The following TSPEAR variants were observed in gnomAD, a reference collection of about 807,000 sequenced individuals.
TSPEAR encodes thrombospondin-type laminin G domain and EAR repeat-containing protein.
Under a neutral mutation model 71.6 loss-of-function variants are expected in TSPEAR, and 69 were observed. That is an observed-to-expected ratio of 0.96 (90% CI 0.79 to 1.18). TSPEAR has a LOEUF of 1.18. TSPEAR is among the 50% of genes most tolerant of loss of function. TSPEAR has a pLI of 0.00. For synonymous variants in TSPEAR, 402 were observed against 387.2 expected, an observed-to-expected ratio of 1.04 and a Z score of -0.45; for missense variants, 971 against 894.9, an observed-to-expected ratio of 1.09 and a Z score of -1.09.
intron 1 of TSPEAR, among the ~76,000 whole-genome samples, chr21:44,573,428 C>T (rs1271470952): frequency 2.0e-5 from 3 of 152,178 alleles, no homozygotes; most frequent in Non-Finnish European, 4.4e-5. Flanking sequence ...CCATGCCACC[C>T]TCCACGTGCG....
In TSPEAR at chr21:44,710,633, G is replaced by GTGCTGC. The variant is rs1253366910; in HGVS notation, c.82+794_82+799dup. On this transcript the variant is annotated intron_variant, in intron 1 of 11. Coordinates refer to ENST00000323084, the MANE Select transcript of TSPEAR (RefSeq NM_144991.3). This position sits in a 1 kb window ranked among gnomAD's most constrained non-coding sequence, Gnocchi z 4.6. Reference sequence around the variant, plus strand: ...CATCTCCTCGCCTCCCCTGATAGCCGTGCTGCGGAGCCTGAGTGCTGGAGT... The same window carrying GTGCTGC: ...CATCTCCTCGCCTCCCCTGATAGCCGTGCTGCTGCTGCGGAGCCTGAGTGCTGGAGT... Among the ~76,000 whole-genome samples, 1 of 152,162 alleles carries GTGCTGC rather than the reference G, an allele frequency of 6.6e-6. No homozygotes were observed. The highest frequency in any genetic ancestry group is 1.5e-5 in the Non-Finnish European group (1 of 68,028).
chr21:44,688,434 G>A (rs922087379), intron 1 of TSPEAR, among the ~76,000 whole-genome samples: 11 of 152,258 alleles, frequency 7.2e-5, no homozygotes, highest in Admixed American at 2.0e-4. Context: ...GAAAAGGAAA[G>A]AGACGGCCGG....
intron 1 of TSPEAR, chr21:44,666,282 G>A: frequency 1.1e-6 from 1 of 900,600 alleles, no homozygotes; most frequent in Non-Finnish European, 1.7e-6. Flanking sequence ...AGGTCAGCAA[G>A]GGCTCCAGAT....
At chr21:44,554,852 T>A (rs1555919527) in intron 2 of TSPEAR, among the ~76,000 whole-genome samples, 1 of 152,242 alleles carries the variant, frequency 6.6e-6, no homozygotes, top group African/African-American at 2.4e-5. Flanking sequence ...TGCTGTATGT[T>A]GTTTTCAATC....
chr21:44,689,281 T>C (rs1445291100), intron 1 of TSPEAR, among the ~76,000 whole-genome samples: 1 of 152,088 alleles, frequency 6.6e-6, no homozygotes, highest in Non-Finnish European at 1.5e-5. Flanking sequence ...GGCGGGCGGA[T>C]CACGAGGTCA....
At chr21:44,672,554 A>G (rs1986109477) in intron 1 of TSPEAR, among the ~76,000 whole-genome samples, 1 of 146,648 alleles carries the variant, frequency 6.8e-6, no homozygotes, top group Non-Finnish European at 1.5e-5. Context: ...TGGGCGATAG[A>G]GCAAAACTCC....
At chr21:44,608,035 C>T (rs782688147) in intron 1 of TSPEAR, among the ~76,000 whole-genome samples, 4 of 152,006 alleles carry the variant, frequency 2.6e-5, no homozygotes, top group Non-Finnish European at 5.9e-5. Context: ...GGAGATCAGT[C>T]GTTTCCTGGG....
chr21:44,551,328 G>C (rs782002498), intron 2 of TSPEAR: 6 of 1,613,258 alleles, frequency 3.7e-6, no homozygotes, highest in Non-Finnish European at 4.2e-6. Flanking sequence ...GCAGACCAGG[G>C]TCAGGCAGGG....
At chr21:44,640,702 T>G in intron 1 of TSPEAR, among the ~76,000 whole-genome samples, 1 of 152,218 alleles carries the variant, frequency 6.6e-6, no homozygotes, top group East Asian at 1.9e-4. Context: ...TCAGTAAGGA[T>G]TTTCTGGGAA....
chr21:44,617,470 C>G (rs895437334), intron 1 of TSPEAR, among the ~76,000 whole-genome samples: 1 of 152,364 alleles, frequency 6.6e-6, no homozygotes, highest in African/African-American at 2.4e-5. Context: ...GGGACACATG[C>G]AGACCAGAGG....
chr21:44,505,511 G>A (rs1284828907), intron 10 of TSPEAR, among the ~76,000 whole-genome samples: 6 of 115,846 alleles, frequency 5.2e-5, no homozygotes, highest in African/African-American at 1.3e-4. Flanking sequence ...CCTCCAGAAC[G>A]CCTTCATCCT....
intron 1 of TSPEAR, among the ~76,000 whole-genome samples, chr21:44,597,759 T>C (rs1242418678): frequency 6.6e-6 from 1 of 152,176 alleles, no homozygotes; most frequent in African/African-American, 2.4e-5. Context: ...AGGCTCTGTA[T>C]CTTGTAAGCA....
rs114534764 is a variant in TSPEAR at position 44,571,702 on chromosome 21, G to A, written c.83-3697C>T. Among the ~76,000 whole-genome samples the A allele has an allele frequency of 9.2e-3, 1,402 of 152,322 alleles. 19 individuals carry two copies. Among genetic ancestry groups the A allele is most frequent in the African/African-American group, 0.032 (1,325 of 41,566 alleles). On this transcript the variant is annotated intron_variant, in intron 1 of 11. Transcript: ENST00000323084. ...AAGGGCACCAGGGCCAAAACGAAAG[G>A]ACTTGAGGGCCGAAGTTGGAACCAC...
chr21:44,593,202 AC>A lies in TSPEAR; in HGVS notation c.83-25198del, dbSNP rs587616306. On this transcript the variant is annotated intron_variant, in intron 1 of 11. Transcript: ENST00000323084. The surrounding 1 kb of genome is among the most constrained non-coding windows in gnomAD (Gnocchi z 5.9). ...TCTGGGCTGTGGTTTTGGGTTCTGA[AC>A]CTGCAGAGTAACCGTGCTGAGCAGC... Among the ~76,000 whole-genome samples, 20 of 152,206 alleles carry A rather than the reference AC, an allele frequency of 1.3e-4. No homozygotes were observed. The highest frequency in any genetic ancestry group is 4.6e-4 in the African/African-American group (19 of 41,536).
intron 9 of TSPEAR, among the ~76,000 whole-genome samples, chr21:44,518,041 C>T (rs587606966): frequency 6.6e-6 from 1 of 152,286 alleles, no homozygotes; most frequent in South Asian, 2.1e-4. Context: ...ATACTCTTAA[C>T]TTTATATTTC....
At chr21:44,502,030 A>G (rs144303478) in intron 11 of TSPEAR, among the ~76,000 whole-genome samples, 155 of 152,348 alleles carry the variant, frequency 1.0e-3, no homozygotes, top group African/African-American at 3.5e-3. Context: ...AAGACAGGCA[A>G]TTGGAAGCCA....
At chr21:44,640,437 A>C (rs1983962096) in intron 1 of TSPEAR, among the ~76,000 whole-genome samples, 1 of 152,226 alleles carries the variant, frequency 6.6e-6, no homozygotes, top group South Asian at 2.1e-4. Flanking sequence ...TTGGAGTGGG[A>C]ATGTTGTAAA....
At chr21:44,579,080 C>T (rs1339616783) in intron 1 of TSPEAR, among the ~76,000 whole-genome samples, 6 of 152,176 alleles carry the variant, frequency 3.9e-5, no homozygotes, top group East Asian at 3.9e-4. Context: ...CTCGGGCGGG[C>T]GGCACACAGG....
At position 44,504,793 on chromosome 21, in the gene TSPEAR, T is replaced by C. The variant is rs1555911658; in HGVS notation, c.1843A>G (p.Ser615Gly). 1.2e-6 allele frequency: 2 copies of C among 1,612,734 alleles called. No individual in the cohort carries two copies. The highest frequency in any genetic ancestry group is 2.2e-5 in the East Asian group (1 of 44,808). Residue 615 changes from serine (S) to glycine (G), a missense_variant, in exon 11 of 12, where the codon AGT becomes GGT. Ser to Gly is a moderately conservative substitution (Grantham distance 56, BLOSUM62 0). Coordinates refer to ENST00000323084, the MANE Select transcript of TSPEAR (RefSeq NM_144991.3). ...SFDGRTFSVN[S>G]IIYRWQGYEG... ...GCAGCTCATTACCTGTAAATAATAC[T>C]GTTCACCGAGAAGGTACGCCCATCG...
Sources: gnomAD v4.1 joint callset for allele counts (sites outside exome capture counted in the v4.1 genomes callset) on GRCh38, gnomAD v4.1.1 for gene constraint, Gnocchi (gnomAD v3.1) non-coding constraint, MANE v1.5 for transcripts, NCBI Gene and HGNC (gene_info 2026-07-23, HGNC 2026-07-21) for gene names.